The following TBC1D5 variants were observed in gnomAD, a reference collection of about 807,000 sequenced individuals.
The protein encoded by TBC1D5 is TBC1 domain family, member 5.
In TBC1D5, 75 loss-of-function variants were observed where a neutral mutation model predicts 100.3. That is an observed-to-expected ratio of 0.75 (90% CI 0.62 to 0.91). TBC1D5 has a LOEUF of 0.91. Ranked by LOEUF, TBC1D5 falls within the 40% of genes least tolerant of loss-of-function variation. TBC1D5 has a pLI of 0.00. For missense variants in TBC1D5, 910 were observed against 942.4 expected, an observed-to-expected ratio of 0.97 and a Z score of 0.45; for synonymous variants, 323 against 325.6, an observed-to-expected ratio of 0.99 and a Z score of 0.09.
intron 17 of TBC1D5, among the ~76,000 whole-genome samples, chr3:17,236,293 T>C (rs771249845): frequency 2.0e-5 from 3 of 152,190 alleles, no homozygotes; most frequent in Non-Finnish European, 2.9e-5. Flanking sequence ...CAAAGCAATA[T>C]TGAAATCGTA....
chr3:17,549,888 C>G (rs1244838950), intron 2 of TBC1D5, among the ~76,000 whole-genome samples: 1 of 151,582 alleles, frequency 6.6e-6, no homozygotes, highest in Non-Finnish European at 1.5e-5. Flanking sequence ...CAAGATTGAG[C>G]CACTGTACTC....
intron 3 of TBC1D5, among the ~76,000 whole-genome samples, chr3:17,486,064 G>T (rs1353550660): frequency 6.6e-6 from 1 of 151,814 alleles, no homozygotes; most frequent in East Asian, 1.9e-4. Flanking sequence ...TCTCATTGTG[G>T]TTTTGATTTG....
intron 3 of TBC1D5, among the ~76,000 whole-genome samples, chr3:17,496,093 A>G (rs2150678221): frequency 6.6e-6 from 1 of 152,158 alleles, no homozygotes; most frequent in East Asian, 1.9e-4. Context: ...TCTACCACAA[A>G]ATCACTCAGT....
intron 1 of TBC1D5, among the ~76,000 whole-genome samples, chr3:17,700,225 G>A (rs1432810214): frequency 6.6e-6 from 1 of 151,934 alleles, no homozygotes; most frequent in African/African-American, 2.4e-5. Flanking sequence ...ACAAGAAATG[G>A]GGAAACAATT....
chr3:17,408,631 T>TA (rs2152463519), intron 4 of TBC1D5, among the ~76,000 whole-genome samples: 1 of 152,278 alleles, frequency 6.6e-6, no homozygotes, highest in South Asian at 2.1e-4. Flanking sequence ...CCTATACTTT[T>TA]AAAAATTAAT....
chr3:17,254,340 A>G (rs1177175436), intron 16 of TBC1D5, among the ~76,000 whole-genome samples: 1 of 152,204 alleles, frequency 6.6e-6, no homozygotes, highest in Admixed American at 6.5e-5. Context: ...GGAATACATG[A>G]GGGTTCTAAT....
intron 15 of TBC1D5, among the ~76,000 whole-genome samples, chr3:17,276,975 G>A (rs536017433): frequency 1.3e-5 from 2 of 152,290 alleles, no homozygotes; most frequent in South Asian, 4.1e-4. Context: ...GCTGGCAGAA[G>A]CCTGAAGAAC....
intron 1 of TBC1D5, among the ~76,000 whole-genome samples, chr3:17,709,117 G>C (rs1272548329): frequency 6.6e-6 from 1 of 151,928 alleles, no homozygotes; most frequent in Non-Finnish European, 1.5e-5. Context: ...TTACCTGTAA[G>C]CTTCAAAATT....
intron 1 of TBC1D5, among the ~76,000 whole-genome samples, chr3:17,699,824 A>G (rs1176150630): frequency 3.9e-5 from 6 of 151,970 alleles, no homozygotes; most frequent in Non-Finnish European, 5.9e-5. Context: ...AAAAAAAAAA[A>G]AAAGAAAGAA....
chr3:17,547,057 T>G (rs2096423964), intron 2 of TBC1D5: 1 of 152,122 alleles, frequency 6.6e-6, no homozygotes, highest in African/African-American at 2.4e-5. Context: ...GATCTAGGTG[T>G]AATCAACAGC....
chr3:17,527,382 G>A (rs191684244), intron 2 of TBC1D5, among the ~76,000 whole-genome samples: 6 of 152,218 alleles, frequency 3.9e-5, no homozygotes, highest in South Asian at 4.1e-4. Flanking sequence ...GGAGATACTG[G>A]GGGAAAAAGA....
intron 1 of TBC1D5, among the ~76,000 whole-genome samples, chr3:17,691,022 A>G (rs2071079455): frequency 6.6e-6 from 1 of 152,252 alleles, no homozygotes; most frequent in South Asian, 2.1e-4. Flanking sequence ...TAAATAAAGG[A>G]GAAACCTTAC....
chr3:17,434,209 G>C (rs1005948012), intron 3 of TBC1D5, among the ~76,000 whole-genome samples: 1 of 152,172 alleles, frequency 6.6e-6, no homozygotes, highest in African/African-American at 2.4e-5. Flanking sequence ...TGCCCCAGTG[G>C]GGACTTTGTA....
Position 17,591,172 on chromosome 3 carries a change from CTTGCAGTGAGCCGAGA to C in TBC1D5, c.-36+32661_-36+32676del, listed in dbSNP as rs1389208720. 2.3e-5 allele frequency among the ~76,000 whole-genome samples: 3 copies of C among 129,946 alleles called. No homozygotes were observed. The Admixed American group carries it at 2.8e-4, about 12-fold the overall frequency. 85.2% of individuals were successfully genotyped at this position (129,946 alleles called of 152,430 possible). Reference sequence around the variant, plus strand: ...AATGGCGTGAACCCAGGAGGCAGAGCTTGCAGTGAGCCGAGATTGCGCCACTGTACTCCAGACTGGG... The same window carrying C: ...AATGGCGTGAACCCAGGAGGCAGAGCTTGCGCCACTGTACTCCAGACTGGG... On this transcript the variant is annotated intron_variant, in intron 2 of 21. Coordinates refer to ENST00000253692, the Ensembl canonical transcript of TBC1D5.
At chr3:17,538,427 A>C (rs56746012) in intron 2 of TBC1D5, among the ~76,000 whole-genome samples, 10,485 of 152,166 alleles carry the variant, frequency 0.069, 714 homozygotes, top group African/African-American at 0.18. Flanking sequence ...CAGCAAACCC[A>C]AGAACCATAG....
At chr3:17,727,798 AC>A (rs1432763545) in intron 1 of TBC1D5, among the ~76,000 whole-genome samples, 2 of 152,200 alleles carry the variant, frequency 1.3e-5, no homozygotes, top group African/African-American at 2.4e-5. Flanking sequence ...TTTTGATGAA[AC>A]CTGTAAAACA....
At chr3:17,533,238 T>C (rs182824456) in intron 2 of TBC1D5, among the ~76,000 whole-genome samples, 3 of 152,330 alleles carry the variant, frequency 2.0e-5, no homozygotes, top group Admixed American at 6.5e-5. Context: ...CTATTTAAGA[T>C]AGAGTTCTAC....
At chr3:17,291,976 A>G in exon 15 of TBC1D5, 1 of 1,613,922 alleles carries the variant, frequency 6.2e-7, no homozygotes, top group Non-Finnish European at 8.5e-7. Flanking sequence ...GAAGGCCGAG[A>G]CAGGTCTGGT....
intron 8 of TBC1D5, among the ~76,000 whole-genome samples, chr3:17,396,149 G>A (rs2093499064): frequency 6.6e-6 from 1 of 151,956 alleles, no homozygotes; most frequent in Admixed American, 6.6e-5. Context: ...CATATGTGAG[G>A]GCTGGTCGTG....
Sources: gnomAD v4.1 joint callset for allele counts (sites outside exome capture counted in the v4.1 genomes callset) on GRCh38, gnomAD v4.1.1 for gene constraint, MANE v1.5 for transcripts, NCBI Gene and HGNC (gene_info 2026-07-23, HGNC 2026-07-21) for gene names.